ZC2HC1A: variants seen among roughly 807,000 people sequenced by gnomAD.
ZC2HC1A encodes zinc finger C2HC domain-containing protein 1A.
In ZC2HC1A, 28 loss-of-function variants were observed where a neutral mutation model predicts 40.7. The observed-to-expected ratio is 0.69, with a 90% CI of 0.51 to 0.94. The LOEUF (loss-of-function observed/expected upper bound fraction) is 0.94, where lower values mean the gene tolerates loss of function less well. Among genes scored for constraint, ZC2HC1A ranks in the 40% least tolerant of loss-of-function variants. The pLI, the probability that ZC2HC1A is intolerant of heterozygous loss-of-function variation, is 0.00. For missense variants in ZC2HC1A, 389 were observed against 386.3 expected (o/e 1.01, Z -0.06); for synonymous variants, 129 against 129.2 (o/e 1.00, Z 0.01).
intron 3 of ZC2HC1A, among the ~76,000 whole-genome samples, chr8:78,681,901 C>CTTTTTTTTTTTTT (rs56181953): frequency 3.2e-5 from 4 of 126,464 alleles, no homozygotes; most frequent in Non-Finnish European, 5.1e-5. Flanking sequence ...CTTTTTCTTT[C>CTTTTTTTTTTTTT]TTTTTTTTTT....
rs372277911 is a variant in ZC2HC1A at position 78,696,444 on chromosome 8, C to T, written c.505-963C>T. Among the ~76,000 whole-genome samples the T allele has an allele frequency of 2.6e-3, 403 of 152,302 alleles. 3 individuals are homozygous for T. Among genetic ancestry groups the T allele is most frequent in the Admixed American group, 6.6e-3 (101 of 15,296 alleles). On this transcript the variant is annotated intron_variant, in intron 5 of 8. Transcript: ENST00000263849. ...GGTTGAAGCATTGGGCTAGAACCAG[C>T]ATGAGTCTAAATTCCTGCTCTGCTG...
At chr8:78,706,415 C>G (rs965149378) in intron 7 of ZC2HC1A, among the ~76,000 whole-genome samples, 2 of 152,116 alleles carry the variant, frequency 1.3e-5, no homozygotes, top group Admixed American at 1.3e-4. Flanking sequence ...TGCCAAGACT[C>G]CCCATATCTG....
intron 1 of ZC2HC1A, 39 bp from the exon 2 acceptor site, chr8:78,675,748 A>G (rs376398666): frequency 2.0e-6 from 3 of 1,487,166 alleles, no homozygotes; most frequent in Non-Finnish European, 2.8e-6. Flanking sequence ...CACAATTTCA[A>G]GTTATATAAA....
At chr8:78,670,706 AG>A (rs2130411525) in intron 1 of ZC2HC1A, among the ~76,000 whole-genome samples, 1 of 152,300 alleles carries the variant, frequency 6.6e-6, no homozygotes, top group South Asian at 2.1e-4. Flanking sequence ...GAAAGGTAGG[AG>A]GTAGAATTCT....
intron 8 of ZC2HC1A, among the ~76,000 whole-genome samples, chr8:78,716,311 G>T (rs554281709): frequency 8.1e-4 from 122 of 151,544 alleles, no homozygotes; most frequent in African/African-American, 2.7e-3. Flanking sequence ...TTTTATTAGA[G>T]ACGGGGTTTC....
At position 78,666,108 on chromosome 8, in the gene ZC2HC1A, C is replaced by G. The variant is rs371279216; in HGVS notation, c.-41C>G. ...ACAGCCAGAGCTGGGCGGTGGCGGG[C>G]GCTGCTGAAGGAGTCTCGCTGAGCT... On this transcript the variant is annotated 5_prime_UTR_variant, in exon 1 of 9. Coordinates refer to ENST00000263849, the MANE Select transcript of ZC2HC1A (RefSeq NM_016010.3). 1.4e-4 allele frequency: 217 copies of G among 1,557,962 alleles called. No individual in the cohort carries two copies. The highest frequency in any genetic ancestry group is 1.9e-4 in the Non-Finnish European group (213 of 1,150,978).
At chr8:78,674,324 A>G (rs1809514659) in intron 1 of ZC2HC1A, among the ~76,000 whole-genome samples, 1 of 152,162 alleles carries the variant, frequency 6.6e-6, no homozygotes, top group African/African-American at 2.4e-5. Flanking sequence ...GCTTTTTAAT[A>G]TTTTGTATTG....
chr8:78,691,948 G>A (rs938171553), intron 5 of ZC2HC1A, among the ~76,000 whole-genome samples: 2 of 152,084 alleles, frequency 1.3e-5, no homozygotes, highest in Non-Finnish European at 2.9e-5. Flanking sequence ...GGGGTACAAA[G>A]TGATACCATG....
chr8:78,714,248 C>T (rs1418403367), intron 7 of ZC2HC1A, among the ~76,000 whole-genome samples: 4 of 152,090 alleles, frequency 2.6e-5, no homozygotes, highest in Non-Finnish European at 4.4e-5. Flanking sequence ...CTCTTTACCT[C>T]ATTTGTCTTA....
chr8:78,681,389 A>G (rs977186936), intron 3 of ZC2HC1A, among the ~76,000 whole-genome samples: 2 of 152,224 alleles, frequency 1.3e-5, no homozygotes, highest in Non-Finnish European at 2.9e-5. Flanking sequence ...AGTAATAATC[A>G]CAGAGCAGAT....
In ZC2HC1A at chr8:78,697,257, G is replaced by A; in HGVS notation, c.505-150G>A. 3 of 608,414 alleles carry A rather than the reference G, an allele frequency of 4.9e-6. No individual in the cohort carries two copies. In the Admixed American group the frequency reaches 1.0e-4, roughly 21 times the overall value. The allele number at this position is 608,414 out of a possible 1,614,324, so 37.7% of individuals were successfully genotyped here. ...ACAAGTGTTTTAATACATTAATGAT[G>A]TGCAACCATCATCACCATTCATTTC... is the stretch of plus-strand genomic sequence containing the variant. On this transcript the variant is annotated intron_variant, in intron 5 of 8. Transcript: ENST00000263849.
chr8:78,715,314 G>T lies in ZC2HC1A; in HGVS notation c.798G>T (p.Glu266Asp), dbSNP rs1328461209. Residue 266 changes from glutamate to aspartate, a missense_variant, in exon 8 of 9, where the codon GAG becomes GAT. Transcript: ENST00000263849. ...CAAACAAAAGAAAAACATATACTGAGAGCTACATAGCCAGGTATGTTTAGC... is the reference window on the plus strand; with the variant it reads ...CAAACAAAAGAAAAACATATACTGATAGCTACATAGCCAGGTATGTTTAGC... ...VLTNKRKTYT[E>D]SYIARPDGDC... is the part of the protein sequence containing the mutation. 6.2e-7 allele frequency: 1 copy of T among 1,612,596 alleles called. No individual in the cohort carries two copies. Among genetic ancestry groups the T allele is most frequent in the African/African-American group, 1.3e-5 (1 of 74,816 alleles).
chr8:78,695,920 G>T (rs374987592), intron 5 of ZC2HC1A, among the ~76,000 whole-genome samples: 2 of 152,258 alleles, frequency 1.3e-5, no homozygotes, highest in South Asian at 2.1e-4. Flanking sequence ...TATAATGTTT[G>T]ACTTCAAAAT....
At chr8:78,716,162 G>A (rs910582708) in intron 8 of ZC2HC1A, among the ~76,000 whole-genome samples, 12 of 149,538 alleles carry the variant, frequency 8.0e-5, no homozygotes, top group South Asian at 2.1e-4. Flanking sequence ...TCGCTCTGTC[G>A]CTCAGGCTGG....
intron 7 of ZC2HC1A, among the ~76,000 whole-genome samples, chr8:78,712,366 C>T (rs1810977736): frequency 6.6e-6 from 1 of 151,978 alleles, no homozygotes; most frequent in Non-Finnish European, 1.5e-5. Context: ...ATTGCAGTCA[C>T]ATTTAATAAT....
At chr8:78,674,336 T>C (rs1585976345) in intron 1 of ZC2HC1A, among the ~76,000 whole-genome samples, 1 of 152,202 alleles carries the variant, frequency 6.6e-6, no homozygotes, top group Admixed American at 6.6e-5. Context: ...TTTGTATTGA[T>C]GAATTTTAAA....
chr8:78,717,508 A>AC lies in ZC2HC1A; in HGVS notation c.*15_*16insC. 6.4e-7 allele frequency: 1 copy of AC among 1,554,508 alleles called. No individual in the cohort carries two copies. The highest frequency in any genetic ancestry group is 8.6e-7 in the Non-Finnish European group (1 of 1,158,314). ...TGATTCTATGAATAGAATCTCAAAA[A>AC]AAAAAAAAAGCCAAGTTCAGAGTTT... On this transcript the variant is annotated 3_prime_UTR_variant, in exon 9 of 9. Coordinates refer to ENST00000263849, the MANE Select transcript of ZC2HC1A (RefSeq NM_016010.3).
At position 78,670,694 on chromosome 8, in the gene ZC2HC1A, G is replaced by A. The variant is rs1222117991; in HGVS notation, c.16+4530G>A. ...ACTCTGAGATCAAGATAGTAACTTA[G>A]AGAAAGGTAGGAGGTAGAATTCTAT... On this transcript the variant is annotated intron_variant, in intron 1 of 8. Transcript: ENST00000263849. Among the ~76,000 whole-genome samples the A allele has an allele frequency of 5.3e-5, 8 of 152,290 alleles. No individual in the cohort carries two copies. In the East Asian group the frequency reaches 1.5e-3, roughly 29 times the overall value.
chr8:78,691,639 A>C (rs1810214544), intron 5 of ZC2HC1A, among the ~76,000 whole-genome samples: 1 of 152,028 alleles, frequency 6.6e-6, no homozygotes, highest in Non-Finnish European at 1.5e-5. Context: ...TTTTTTAAAA[A>C]TTCACCATTT....
Sources: allele counts gnomAD v4.1 joint callset (sites outside exome capture counted in the v4.1 genomes callset), GRCh38; gene constraint gnomAD v4.1.1; transcripts MANE v1.5; gene names NCBI Gene and HGNC (gene_info 2026-07-23, HGNC 2026-07-21).